Variants in UPP1 observed in about 807,000 individuals in gnomAD.
UPP1 encodes UPase 1.
A neutral mutation model predicts 29.6 loss-of-function variants in UPP1; 25 were observed. That is an observed-to-expected ratio of 0.85 (90% CI 0.62 to 1.18). The LOEUF (loss-of-function observed/expected upper bound fraction) is 1.18, where lower values mean the gene tolerates loss of function less well. UPP1 is among the 50% of genes most tolerant of loss of function. UPP1 has a pLI of 0.00. For missense variants in UPP1, 368 were observed against 410.4 expected, an observed-to-expected ratio of 0.90 and a Z score of 0.89; for synonymous variants, 165 against 159.8, an observed-to-expected ratio of 1.03 and a Z score of -0.25.
chr7:48,088,822 C>CCAGA (rs1199524207), upstream of UPP1: 1 of 152,444 alleles, frequency 6.6e-6, no homozygotes, highest in South Asian at 2.1e-4. Flanking sequence ...GGGGCCACCG[C>CCAGA]CAGACAGACA....
intron 6 of UPP1, chr7:48,103,879 T>G (rs538561220): frequency 2.3e-6 from 3 of 1,287,500 alleles, no homozygotes; most frequent in African/African-American, 3.0e-5. Flanking sequence ...TAAATTAGCT[T>G]AAAATGTCCC....
intron 6 of UPP1, chr7:48,106,561 T>C (rs1792754693): frequency 1.3e-5 from 4 of 317,800 alleles, no homozygotes; most frequent in Non-Finnish European, 1.8e-5. Flanking sequence ...TCTGCTCGTC[T>C]TGGCCTCCCA....
Position 48,099,526 on chromosome 7 carries a change from A to G in UPP1, c.45-144A>G. On this transcript the variant is annotated intron_variant, in intron 3 of 8. Coordinates refer to ENST00000395564, the MANE Select transcript of UPP1 (RefSeq NM_003364.4). ...GGGGAGGCAAGTGCGGACCTTGGCAATGTTGGGGTTGTCTTATCTCCGGGA... is the reference window on the plus strand; with the variant it reads ...GGGGAGGCAAGTGCGGACCTTGGCAGTGTTGGGGTTGTCTTATCTCCGGGA... 6.4e-6 allele frequency: 4 copies of G among 623,820 alleles called. 1 individual carries two copies. Among genetic ancestry groups the G allele is most frequent in the South Asian group, 5.7e-5 (3 of 52,668 alleles). 38.6% of individuals were successfully genotyped at this position (623,820 alleles called of 1,614,324 possible). A position where few individuals can be genotyped will look rare whatever the true frequency, so the allele number is the denominator to read the frequency against.
chr7:48,092,743 C>A (rs1791907934), intron 2 of UPP1, among the ~76,000 whole-genome samples: 1 of 151,070 alleles, frequency 6.6e-6, no homozygotes, highest in Non-Finnish European at 1.5e-5. Context: ...TGCTCTTTCA[C>A]CCAGGCTGGA....
At chr7:48,094,184 G>A (rs2128809244) in intron 2 of UPP1, among the ~76,000 whole-genome samples, 1 of 152,240 alleles carries the variant, frequency 6.6e-6, no homozygotes, top group Admixed American at 6.5e-5. Flanking sequence ...GCAGAGAGGT[G>A]TGGTGTGTTG....
At chr7:48,091,288 G>GTTTT (rs34459058) in intron 2 of UPP1, among the ~76,000 whole-genome samples, 2 of 144,178 alleles carry the variant, frequency 1.4e-5, no homozygotes, top group Admixed American at 6.9e-5. Context: ...AACATCTTCA[G>GTTTT]TTTTTTTTTT....
intron 5 of UPP1, 130 bp downstream of exon 5, chr7:48,102,112 C>A: frequency 9.5e-7 from 1 of 1,051,262 alleles, no homozygotes; most frequent in Non-Finnish European, 1.4e-6. Flanking sequence ...AGGGTGAGCC[C>A]ACAGTAGCTG....
chr7:48,107,685 T>C (rs1190836338), intron 8 of UPP1, among the ~76,000 whole-genome samples, 178 bp downstream of exon 8: 5 of 152,230 alleles, frequency 3.3e-5, no homozygotes, highest in Non-Finnish European at 5.9e-5. Flanking sequence ...GTTCAATGTC[T>C]GACTGTCACA....
intron 5 of UPP1, among the ~76,000 whole-genome samples, chr7:48,102,807 AAG>A (rs1362448203): frequency 6.6e-6 from 1 of 152,142 alleles, no homozygotes; most frequent in Non-Finnish European, 1.5e-5. Flanking sequence ...AGAGACCCCA[AAG>A]AGAGGAAAAG....
chr7:48,103,967 C>G (rs1792583164), intron 6 of UPP1: 1 of 1,207,188 alleles, frequency 8.3e-7, no homozygotes, highest in South Asian at 1.4e-5. Context: ...CACCTGTAAT[C>G]CCAGCACATT....
chr7:48,103,296 G>C lies in UPP1; in HGVS notation c.322-1G>C. 2 of 1,613,172 alleles carry C rather than the reference G, an allele frequency of 1.2e-6. No homozygotes were observed. Among genetic ancestry groups the C allele is most frequent in the Admixed American group, 1.7e-5 (1 of 60,016 alleles). On this transcript the variant is annotated splice_acceptor_variant, in intron 5 of 8. Transcript: ENST00000395564. LOFTEE classifies it high-confidence loss of function. ...ACATGGGTGTTTCTCCCTGGTTCCAGCATGGTATGGGCATTCCTTCTATCT... is the reference window on the plus strand; with the variant it reads ...ACATGGGTGTTTCTCCCTGGTTCCACCATGGTATGGGCATTCCTTCTATCT...
At chr7:48,095,015 G>T (rs1387021162) in intron 3 of UPP1, among the ~76,000 whole-genome samples, 188 bp downstream of exon 3, 2 of 152,318 alleles carry the variant, frequency 1.3e-5, no homozygotes, top group South Asian at 2.1e-4. Context: ...GACCTCCGGG[G>T]TCGGGTGCTG....
chr7:48,102,048 GCA>G, intron 5 of UPP1, 66 bp downstream of exon 5: 1 of 1,543,038 alleles, frequency 6.5e-7, no homozygotes, highest in Middle Eastern at 1.7e-4. Flanking sequence ...CCACCCCTCT[GCA>G]CACACAGACA....
intron 7 of UPP1, 43 bp from the exon 8 acceptor site, chr7:48,107,318 T>C (rs374240318): frequency 1.3e-6 from 2 of 1,580,892 alleles, no homozygotes; most frequent in Non-Finnish European, 1.7e-6. Flanking sequence ...TTGTAGGAGC[T>C]TCTCACATGC....
At chr7:48,103,788 T>C in intron 6 of UPP1, 1 of 1,291,730 alleles carries the variant, frequency 7.7e-7, no homozygotes, top group Non-Finnish European at 1.0e-6. Context: ...GCAGGGATTT[T>C]GAAGCACCTT....
chr7:48,092,794 C>T (rs9639019), intron 2 of UPP1, among the ~76,000 whole-genome samples: 74,105 of 151,202 alleles, frequency 0.49, 19,016 homozygotes, highest in South Asian at 0.64. Flanking sequence ...CCTTCATCTC[C>T]TGGGTTCCAG....
chr7:48,092,155 A>G (rs1791874342), intron 2 of UPP1, among the ~76,000 whole-genome samples: 1 of 152,034 alleles, frequency 6.6e-6, no homozygotes, highest in African/African-American at 2.4e-5. Flanking sequence ...CTAAAGACAA[A>G]AATAGCAGCC....
chr7:48,099,755 C>T lies in UPP1; in HGVS notation c.130C>T (p.His44Tyr). ...LYHFNLTTSRHNFPALFGDVK... is the reference protein window; with the variant it reads ...LYHFNLTTSRYNFPALFGDVK... ...TCATTTCAATCTCACCACTAGCAGACACAATTTCCCAGCCTTGTTTGGAGA... is the reference window on the plus strand; with the variant it reads ...TCATTTCAATCTCACCACTAGCAGATACAATTTCCCAGCCTTGTTTGGAGA... Residue 44 changes from histidine (H) to tyrosine (Y), a missense_variant, in exon 4 of 9, where the codon CAC (histidine) becomes TAC (tyrosine). Transcript: ENST00000395564. 1 of 1,613,124 alleles carries T rather than the reference C, an allele frequency of 6.2e-7. No homozygotes were observed. Among genetic ancestry groups the T allele is most frequent in the Admixed American group, 1.7e-5 (1 of 60,028 alleles).
At chr7:48,095,525 C>T (rs1191504503) in intron 3 of UPP1, among the ~76,000 whole-genome samples, 1 of 151,476 alleles carries the variant, frequency 6.6e-6, no homozygotes, top group African/African-American at 2.5e-5. Context: ...TGAAGTCTCA[C>T]ATGTGACAGC....
Sources: gnomAD v4.1 joint callset for allele counts (sites outside exome capture counted in the v4.1 genomes callset) on GRCh38, gnomAD v4.1.1 for gene constraint, MANE v1.5 for transcripts, NCBI Gene and HGNC (gene_info 2026-07-23, HGNC 2026-07-21) for gene names.